CEP78: variants seen among roughly 807,000 people sequenced by gnomAD.
CEP78 encodes centrosomal protein 78, also known as centrosomal protein of 78 kDa.
A neutral mutation model predicts 81.2 loss-of-function variants in CEP78; 76 were observed. The ratio of observed to expected loss-of-function variants is 0.94; its 90% CI spans 0.78 to 1.13. The LOEUF is 1.13. Ranked by LOEUF, CEP78 falls within the 50% of genes most tolerant of loss-of-function variation. CEP78 has a pLI of 0.00. For missense variants in CEP78, 918 were observed against 846.8 expected, an observed-to-expected ratio of 1.08 and a Z score of -1.04; for synonymous variants, 293 against 301.4, an observed-to-expected ratio of 0.97 and a Z score of 0.29.
chr9:78,240,436 C>G (rs1014444652), intron 3 of CEP78, 72 bp downstream of exon 3: 6 of 1,235,394 alleles, frequency 4.9e-6, no homozygotes, highest in Non-Finnish European at 7.0e-6. Flanking sequence ...CATGTTAATT[C>G]CTGTCTGTAC....
Position 78,251,926 on chromosome 9 carries a change from C to T in CEP78, c.1088C>T (p.Pro363Leu). 1.2e-6 allele frequency: 2 copies of T among 1,607,536 alleles called. No homozygotes were observed. The highest frequency in any genetic ancestry group is 8.5e-7 in the Non-Finnish European group (1 of 1,175,574). Residue 363 changes from proline (P) to leucine (L), a missense_variant, in exon 9 of 17, where the codon CCT (proline) becomes CTT (leucine). Coordinates refer to ENST00000643273, the MANE Select transcript of CEP78 (RefSeq NM_001330691.3). ...CAAGTAGGATTGGCTACAAAGAAAC[C>T]TGTAAGTAGTGGCAGAAAACACTCC... ...TIRIGLATKK[P>L]VSSGRKHSLG... is the part of the protein sequence containing the mutation.
chr9:78,251,082 A>C (rs1254761422), intron 8 of CEP78, among the ~76,000 whole-genome samples: 2 of 152,250 alleles, frequency 1.3e-5, no homozygotes, highest in Admixed American at 1.3e-4. Context: ...ATCAGAAACA[A>C]TTATATATTT....
intron 3 of CEP78, 80 bp downstream of exon 3, chr9:78,240,444 T>C: frequency 9.8e-6 from 12 of 1,221,670 alleles, no homozygotes; most frequent in Non-Finnish European, 1.4e-5. Context: ...TTCCTGTCTG[T>C]ACCTTTTTTC....
rs113298402 is a variant in CEP78 at position 78,247,245 on chromosome 9, C to T, written c.892+463C>T. On this transcript the variant is annotated intron_variant, in intron 6 of 16. Coordinates refer to ENST00000643273, the MANE Select transcript of CEP78 (RefSeq NM_001330691.3). The stretch of plus-strand genomic sequence containing the variant: ...TAGATAGTAGGAAGTGCAAAAATAC[C>T]GTAAGGTAAGAAGACAGATGGGGGC... Among the ~76,000 whole-genome samples, 185 of 152,138 alleles carry T rather than the reference C, an allele frequency of 1.2e-3. 1 individual carries two copies. The highest frequency in any genetic ancestry group is 4.3e-3 in the African/African-American group (180 of 41,462).
intron 2 of CEP78, 31 bp from the exon 3 acceptor site, chr9:78,240,261 T>A: frequency 2.5e-6 from 4 of 1,610,174 alleles, no homozygotes; most frequent in Non-Finnish European, 3.4e-6. Context: ...AAAACCTCAA[T>A]AACATTTTTA....
At chr9:78,247,164 A>T (rs1826531757) in intron 6 of CEP78, among the ~76,000 whole-genome samples, 1 of 152,206 alleles carries the variant, frequency 6.6e-6, no homozygotes, top group Admixed American at 6.5e-5. Context: ...CAGCTAGACA[A>T]ATTCTTGGTC....
At chr9:78,250,328 T>C (rs960767771) in intron 8 of CEP78, 2 of 398,048 alleles carry the variant, frequency 5.0e-6, no homozygotes, top group African/African-American at 4.1e-5. Context: ...AGGGGTTATA[T>C]AATTTATGTA....
Position 78,272,243 on chromosome 9 carries a change from C to G in CEP78, c.*1392C>G, listed in dbSNP as rs1012221854. ...AAGATGGGTTCTTTCTTAGGCTGGT[C>G]TTGAACTCCTGGCCTCAAATGATCC... On this transcript the variant is annotated 3_prime_UTR_variant, in exon 17 of 17. Transcript: ENST00000643273. 6.6e-6 allele frequency: 1 copy of G among 152,370 alleles called. No individual in the cohort carries two copies. The highest frequency in any genetic ancestry group is 1.5e-5 in the Non-Finnish European group (1 of 68,238). 9.4% of individuals were successfully genotyped at this position (152,370 alleles called of 1,614,324 possible).
In CEP78 at chr9:78,238,642, C is replaced by G. The variant is rs77643792; in HGVS notation, c.254-1381C>G. ...CTAGGCTCTGGGGTTAGCACCATCT[C>G]TTCTGCAAGGACAGTTCAACACATC... is the stretch of plus-strand genomic sequence containing the variant. On this transcript the variant is annotated intron_variant, in intron 1 of 16. Transcript: ENST00000643273. 3.9e-3 allele frequency among the ~76,000 whole-genome samples: 595 copies of G among 152,308 alleles called. 3 individuals carry two copies. Among genetic ancestry groups the G allele is most frequent in the African/African-American group, 0.013 (553 of 41,558 alleles).
At chr9:78,262,135 A>G (rs1827302928) in intron 11 of CEP78, among the ~76,000 whole-genome samples, 1 of 151,806 alleles carries the variant, frequency 6.6e-6, no homozygotes, top group Non-Finnish European at 1.5e-5. Context: ...CCATTCATTA[A>G]CTCTGGTTAA....
intron 11 of CEP78, among the ~76,000 whole-genome samples, chr9:78,259,113 G>T (rs188805928): frequency 1.3e-5 from 2 of 152,302 alleles, no homozygotes; most frequent in East Asian, 3.9e-4. Context: ...GATTGCATTT[G>T]TACACTGAGA....
chr9:78,240,429 G>A lies in CEP78; in HGVS notation c.499+65G>A, dbSNP rs1055502205. On this transcript the variant is annotated intron_variant, in intron 3 of 16. Transcript: ENST00000643273. The stretch of plus-strand genomic sequence containing the variant: ...GGTTTCATGTTTCCCTACATGCCAT[G>A]TTAATTCCTGTCTGTACCTTTTTTC... 32 of 1,298,882 alleles carry A rather than the reference G, an allele frequency of 2.5e-5. No individual in the cohort carries two copies. In the African/African-American group the frequency reaches 2.5e-4, roughly 10 times the overall value. 80.5% of individuals were successfully genotyped at this position (1,298,882 alleles called of 1,614,324 possible).
At chr9:78,249,301 TTCC>T (rs956574852) in intron 8 of CEP78, 2 of 152,462 alleles carry the variant, frequency 1.3e-5, no homozygotes, top group African/African-American at 4.8e-5. Context: ...TTTCCCTTGT[TTCC>T]TCCTCCTTCC....
intron 4 of CEP78, 134 bp from the exon 5 acceptor site, chr9:78,243,328 G>A: frequency 1.6e-6 from 1 of 632,308 alleles, no homozygotes; most frequent in Non-Finnish European, 2.6e-6. Context: ...TAATCAGTCT[G>A]TCAGATTAAC....
chr9:78,256,533 T>C (rs1323696232), intron 11 of CEP78, among the ~76,000 whole-genome samples: 1 of 140,648 alleles, frequency 7.1e-6, no homozygotes, highest in African/African-American at 2.7e-5. Flanking sequence ...TATTTTTTTT[T>C]TTTTTTTTTT....
At chr9:78,251,687 T>C (rs1826766606) in intron 8 of CEP78, among the ~76,000 whole-genome samples, 1 of 151,256 alleles carries the variant, frequency 6.6e-6, no homozygotes, top group Non-Finnish European at 1.5e-5. Context: ...CTTATATTTT[T>C]ATATATTTAT....
chr9:78,250,271 A>G (rs1437952287), intron 8 of CEP78: 2 of 398,124 alleles, frequency 5.0e-6, no homozygotes, highest in Admixed American at 4.4e-5. Context: ...GAGGTAAGCC[A>G]AATCAGTGTC....
Position 78,248,315 on chromosome 9 carries a change from TC to T in CEP78, c.918del (p.Val309SerfsTer15). ...GATCATTCTATGATGAAAGCAGTTA[TC>T]AAAAAAGTCCTCCAGAATGGAAGGA... ...LIDHSMMKAVIKKVLQNGRSA... is the reference protein window; with the variant it reads ...LIDHSMMKAVXKKVLQNGRSA... On this transcript the variant is annotated frameshift_variant, in exon 7 of 17. Coordinates refer to ENST00000643273, the MANE Select transcript of CEP78 (RefSeq NM_001330691.3). LOFTEE classifies it high-confidence loss of function. 1 of 1,575,866 alleles carries T rather than the reference TC, an allele frequency of 6.3e-7. No homozygotes were observed. The highest frequency in any genetic ancestry group is 8.7e-7 in the Non-Finnish European group (1 of 1,145,320).
rs1329257894 is a variant in CEP78 at position 78,277,125 on chromosome 9, A to G, written c.*6274A>G. On this transcript the variant is annotated 3_prime_UTR_variant, in exon 17 of 17. Coordinates refer to ENST00000643273, the MANE Select transcript of CEP78 (RefSeq NM_001330691.3). ...TCAGTAAATGATGTTGAGGTTATTT[A>G]CTACTTTTTCTTATTTCATATCATG... is the stretch of plus-strand genomic sequence containing the variant. 4 of 152,132 alleles carry G rather than the reference A, an allele frequency of 2.6e-5. No homozygotes were observed. The highest frequency in any genetic ancestry group is 7.2e-5 in the African/African-American group (3 of 41,420). 9.4% of individuals were successfully genotyped at this position (152,132 alleles called of 1,614,324 possible).
Sources: gnomAD v4.1 joint callset for allele counts (sites outside exome capture counted in the v4.1 genomes callset) on GRCh38, gnomAD v4.1.1 for gene constraint, MANE v1.5 for transcripts, NCBI Gene and HGNC (gene_info 2026-07-23, HGNC 2026-07-21) for gene names.